KLHL6: variants seen among roughly 807,000 people sequenced by gnomAD.
The protein encoded by KLHL6 is kelch-like protein 6.
In KLHL6, 41 loss-of-function variants were observed where a neutral mutation model predicts 58.6. The observed-to-expected ratio is 0.70, with a 90% CI of 0.55 to 0.91. KLHL6 has a LOEUF of 0.91. Among genes scored for constraint, KLHL6 ranks in the 40% least tolerant of loss-of-function variants. The pLI is 0.00. For synonymous variants in KLHL6, 338 were observed against 322.7 expected (o/e 1.05, Z -0.51); for missense variants, 714 against 805.6 (o/e 0.89, Z 1.38).
At chr3:183,549,894 G>T (rs186966558) in intron 1 of KLHL6, among the ~76,000 whole-genome samples, 2 of 152,110 alleles carry the variant, frequency 1.3e-5, no homozygotes, top group African/African-American at 4.8e-5. Context: ...GGCAACATAG[G>T]GAGACCTTGT....
intron 2 of KLHL6, among the ~76,000 whole-genome samples, chr3:183,511,639 G>T (rs548843089): frequency 6.6e-6 from 1 of 152,274 alleles, no homozygotes; most frequent in African/African-American, 2.4e-5. Flanking sequence ...AGTGCATTGT[G>T]CCCCTGGTTT....
At chr3:183,531,886 T>C (rs946549505) in intron 1 of KLHL6, among the ~76,000 whole-genome samples, 4 of 152,252 alleles carry the variant, frequency 2.6e-5, no homozygotes, top group African/African-American at 9.6e-5. Context: ...GAATTATACA[T>C]AAAGTCTCAC....
At chr3:183,536,746 T>C (rs1015972570) in intron 1 of KLHL6, among the ~76,000 whole-genome samples, 1 of 152,126 alleles carries the variant, frequency 6.6e-6, no homozygotes, top group Non-Finnish European at 1.5e-5. Context: ...TAGGAGACAC[T>C]TAGGGGTAAG....
rs1282782147 is a variant in KLHL6 at position 183,491,109 on chromosome 3, G to GTTTTTGTTTTTGT, written c.*805_*817dup. On this transcript the variant is annotated 3_prime_UTR_variant, in exon 7 of 7. Coordinates refer to ENST00000341319, the MANE Select transcript of KLHL6 (RefSeq NM_130446.4). ...GCCAGGTTTCTTTGTTTTTGTTTTT[G>GTTTTTGTTTTTGT]TTTTTGTTTTTGTTTTGAAGACAGA... 6 of 151,396 alleles carry GTTTTTGTTTTTGT rather than the reference G, an allele frequency of 4.0e-5. No individual in the cohort carries two copies. The highest frequency in any genetic ancestry group is 1.2e-4 in the African/African-American group (5 of 40,900). The allele number at this position is 151,396 out of a possible 1,614,324, so 9.4% of individuals were successfully genotyped here. A position where few individuals can be genotyped will look rare whatever the true frequency, so the allele number is the denominator to read the frequency against.
chr3:183,528,317 C>T (rs1712047498), intron 1 of KLHL6, among the ~76,000 whole-genome samples: 1 of 152,160 alleles, frequency 6.6e-6, no homozygotes, highest in African/African-American at 2.4e-5. Flanking sequence ...TTGTGGAATC[C>T]CCAAGCTTCA....
chr3:183,492,314 G>T lies in KLHL6; in HGVS notation c.1565-86C>A. 7.3e-7 allele frequency: 1 copy of T among 1,373,564 alleles called. No individual in the cohort carries two copies. The highest frequency in any genetic ancestry group is 9.9e-7 in the Non-Finnish European group (1 of 1,013,290). 85.1% of individuals were successfully genotyped at this position (1,373,564 alleles called of 1,614,324 possible). ...ACCACTAAAATTCAACTTCTGATTA[G>T]GCCAAGTCTACCCTCTTGCCAAGAG... On this transcript the variant is annotated intron_variant, in intron 6 of 6. Coordinates refer to ENST00000341319, the MANE Select transcript of KLHL6 (RefSeq NM_130446.4). This position sits in a 1 kb window ranked among gnomAD's most constrained non-coding sequence, Gnocchi z 5.9.
chr3:183,541,480 C>T (rs1712549623), intron 1 of KLHL6, among the ~76,000 whole-genome samples: 1 of 152,184 alleles, frequency 6.6e-6, no homozygotes, highest in South Asian at 2.1e-4. Flanking sequence ...TGTGCACTAA[C>T]GTGGATTGCA....
chr3:183,500,795 C>A (rs1263567347), intron 3 of KLHL6, among the ~76,000 whole-genome samples: 1 of 152,156 alleles, frequency 6.6e-6, no homozygotes, highest in East Asian at 1.9e-4. Context: ...CAACCGTTTC[C>A]CAGATGGCCA....
chr3:183,540,163 C>A (rs1371287500), intron 1 of KLHL6, among the ~76,000 whole-genome samples: 1 of 152,142 alleles, frequency 6.6e-6, no homozygotes, highest in Non-Finnish European at 1.5e-5. Flanking sequence ...TCAATTGGAG[C>A]CAATTCCAGA....
At chr3:183,540,818 G>A (rs1186100775) in intron 1 of KLHL6, among the ~76,000 whole-genome samples, 1 of 152,170 alleles carries the variant, frequency 6.6e-6, no homozygotes, top group Non-Finnish European at 1.5e-5. Context: ...CCTTCCTGAA[G>A]ATGAAACCTG....
intron 4 of KLHL6, among the ~76,000 whole-genome samples, chr3:183,495,144 T>G (rs1271977654): frequency 6.6e-6 from 1 of 152,220 alleles, no homozygotes; most frequent in East Asian, 1.9e-4. Context: ...GACCACATTC[T>G]GTGTCAGGGG....
chr3:183,553,120 T>G (rs1000922211), intron 1 of KLHL6, among the ~76,000 whole-genome samples: 5 of 152,014 alleles, frequency 3.3e-5, no homozygotes, highest in Non-Finnish European at 5.9e-5. Context: ...ACGTTGAAAA[T>G]CCCAAGAGAA....
intron 3 of KLHL6, among the ~76,000 whole-genome samples, chr3:183,504,940 A>G (rs1717963499): frequency 1.3e-5 from 2 of 152,166 alleles, no homozygotes; most frequent in Admixed American, 1.3e-4. Flanking sequence ...TCTCACTTAT[A>G]AGTGAAAACA....
At chr3:183,515,549 A>G (rs1250572467) in intron 2 of KLHL6, among the ~76,000 whole-genome samples, 2 of 152,166 alleles carry the variant, frequency 1.3e-5, no homozygotes, top group East Asian at 3.9e-4. Flanking sequence ...CTCTGTCTCT[A>G]AAAAACTAAA....
chr3:183,530,411 T>A (rs1324861271), intron 1 of KLHL6, among the ~76,000 whole-genome samples: 1 of 152,208 alleles, frequency 6.6e-6, no homozygotes, highest in Non-Finnish European at 1.5e-5. Flanking sequence ...AGGACTAAAC[T>A]GTGTTCTGCT....
chr3:183,505,974 T>C (rs1297300899), intron 3 of KLHL6, among the ~76,000 whole-genome samples: 2 of 152,104 alleles, frequency 1.3e-5, no homozygotes, highest in African/African-American at 2.4e-5. Context: ...AGTGAATGAA[T>C]GAACAGTGGA....
chr3:183,547,274 T>C (rs1206847077), intron 1 of KLHL6, among the ~76,000 whole-genome samples: 2 of 152,204 alleles, frequency 1.3e-5, no homozygotes, highest in African/African-American at 2.4e-5. Flanking sequence ...GAAGTACTAA[T>C]GCATTAGACT....
chr3:183,502,662 C>A (rs1465582193), intron 3 of KLHL6, among the ~76,000 whole-genome samples: 1 of 152,146 alleles, frequency 6.6e-6, no homozygotes, highest in East Asian at 1.9e-4. Flanking sequence ...GGATCTGATG[C>A]CTGCCAACAG....
chr3:183,499,888 T>A lies in KLHL6; in HGVS notation c.910-61A>T. On this transcript the variant is annotated intron_variant, in intron 3 of 6. Coordinates refer to ENST00000341319, the MANE Select transcript of KLHL6 (RefSeq NM_130446.4). The surrounding 1 kb of genome is among the most constrained non-coding windows in gnomAD (Gnocchi z 4.6). ...ACACAAAGTTTCAGAGCTCGGGCTA[T>A]GGAGCCATTAGGAGTCGGGTCCAAT... The A allele has an allele frequency of 7.4e-7, 1 of 1,347,948 alleles. No individual in the cohort carries two copies. The highest frequency in any genetic ancestry group is 1.0e-6 in the Non-Finnish European group (1 of 992,142). The allele number at this position is 1,347,948 out of a possible 1,614,324, so 83.5% of individuals were successfully genotyped here.
Sources: gnomAD v4.1 joint callset for allele counts (sites outside exome capture counted in the v4.1 genomes callset) on GRCh38, gnomAD v4.1.1 for gene constraint, Gnocchi (gnomAD v3.1) non-coding constraint, MANE v1.5 for transcripts, NCBI Gene and HGNC (gene_info 2026-07-23, HGNC 2026-07-21) for gene names.